Variants in CARF observed in about 807,000 individuals in gnomAD.
CARF encodes calcium-responsive transcription factor.
Under a neutral mutation model 82.0 loss-of-function variants are expected in CARF, and 57 were observed. The observed-to-expected ratio is 0.70, with a 90% CI of 0.56 to 0.87. CARF has a LOEUF of 0.87. CARF is among the 40% of genes least tolerant of loss of function. CARF has a pLI of 0.00. For missense variants in CARF, 771 were observed against 855.8 expected (o/e 0.90, Z 1.24); for synonymous variants, 268 against 290.1 (o/e 0.92, Z 0.77).
chr2:202,977,199 G>A (rs1471737692), intron 13 of CARF, 70 bp from the exon 14 acceptor site: 13 of 1,119,686 alleles, frequency 1.2e-5, no homozygotes, highest in Admixed American at 6.0e-5. Context: ...TATGACAGTC[G>A]TAATGACGTC....
intron 9 of CARF, 78 bp downstream of exon 9, chr2:202,961,504 A>G: frequency 7.7e-7 from 1 of 1,297,726 alleles, no homozygotes; most frequent in East Asian, 2.5e-5. Flanking sequence ...TCCTAAGGTG[A>G]TAACATTTTT....
rs1236999593 is a variant in CARF at position 202,987,189 on chromosome 2, A to G, written c.*3565A>G. 6.6e-6 allele frequency: 1 copy of G among 151,922 alleles called. No individual in the cohort carries two copies. Among genetic ancestry groups the G allele is most frequent in the Non-Finnish European group, 1.5e-5 (1 of 68,016 alleles). The allele number at this position is 151,922 out of a possible 1,614,324, so 9.4% of individuals were successfully genotyped here. A position where few individuals can be genotyped will look rare whatever the true frequency, so the allele number is the denominator to read the frequency against. ...CATTTAATACCCTGCAACTCAGCCA[A>G]GCATCAACATTTTAAAACAATGTGT... On this transcript the variant is annotated 3_prime_UTR_variant, in exon 17 of 17. Transcript: ENST00000438828.
At chr2:202,944,145 G>T (rs2058377934) in intron 5 of CARF, among the ~76,000 whole-genome samples, 1 of 152,158 alleles carries the variant, frequency 6.6e-6, no homozygotes, top group South Asian at 2.1e-4. Context: ...AAAAGATGAG[G>T]ATGGCTAAAT....
chr2:202,918,216 T>G (rs1285974539), intron 2 of CARF, among the ~76,000 whole-genome samples, 173 bp downstream of exon 2: 1 of 152,168 alleles, frequency 6.6e-6, no homozygotes, highest in Non-Finnish European at 1.5e-5. Context: ...ATATCTGCAT[T>G]CTTATAAACT....
In CARF at chr2:202,986,852, TA is replaced by T. The variant is rs1335095506; in HGVS notation, c.*3234del. ...TGTACCAGGTTTAAAAAAAGAGGTT[TA>T]AAAAATGTCTGTGCGTATATATATA... On this transcript the variant is annotated 3_prime_UTR_variant, in exon 17 of 17. Transcript: ENST00000438828. 1 of 55,576 alleles carries T rather than the reference TA, an allele frequency of 1.8e-5. No homozygotes were observed. The highest frequency in any genetic ancestry group is 4.9e-5 in the Non-Finnish European group (1 of 20,430). The allele number at this position is 55,576 out of a possible 1,614,324, so 3.4% of individuals were successfully genotyped here.
rs1461836315 is a variant in CARF, at chr2:202,984,609, G to T, written c.*985G>T. 1 of 152,062 alleles carries T rather than the reference G, an allele frequency of 6.6e-6. No individual in the cohort carries two copies. The highest frequency in any genetic ancestry group is 1.5e-5 in the Non-Finnish European group (1 of 68,020). The allele number at this position is 152,062 out of a possible 1,614,324, so 9.4% of individuals were successfully genotyped here. On this transcript the variant is annotated 3_prime_UTR_variant, in exon 17 of 17. Coordinates refer to ENST00000438828, the MANE Select transcript of CARF (RefSeq NM_024744.17). ...TGAATTGATGATATTAGGATTTCTA[G>T]TATTTTAAGGTAAGTATTTATAGTT...
chr2:202,978,136 G>A (rs2060107735), intron 14 of CARF, among the ~76,000 whole-genome samples: 1 of 152,210 alleles, frequency 6.6e-6, no homozygotes, highest in Non-Finnish European at 1.5e-5. Flanking sequence ...GTGAGCCACT[G>A]CACCCGGCCA....
rs750216188 is a variant in CARF at position 202,952,636 on chromosome 2, G to A, written c.384G>A (p.Val128=). 4 of 1,613,684 alleles carry A rather than the reference G, an allele frequency of 2.5e-6. No homozygotes were observed. Among genetic ancestry groups the A allele is most frequent in the Admixed American group, 3.3e-5 (2 of 59,962 alleles). ...CTACCCAGACAGGAATGGCACAAGTGATTATACCTCAGGGGCAACTTGTGG... is the reference window on the plus strand; with the variant it reads ...CTACCCAGACAGGAATGGCACAAGTAATTATACCTCAGGGGCAACTTGTGG... ...IPPTQTGMAQ[V]IIPQGQLVDV... The change falls in exon 6 of 17, where the codon GTG becomes GTA. Residue 128 remains valine, a synonymous_variant. Transcript: ENST00000438828.
intron 3 of CARF, among the ~76,000 whole-genome samples, chr2:202,935,098 T>C (rs1465998128): frequency 7.6e-6 from 1 of 131,966 alleles, no homozygotes; most frequent in African/African-American, 2.7e-5. Flanking sequence ...ACATATTATA[T>C]ATAATATATA....
At chr2:202,963,378 T>G (rs1158201805) in intron 9 of CARF, among the ~76,000 whole-genome samples, 1 of 152,160 alleles carries the variant, frequency 6.6e-6, no homozygotes, top group Non-Finnish European at 1.5e-5. Flanking sequence ...CCTTTGAATT[T>G]TTTTGGACCA....
chr2:202,926,154 G>T (rs977470245), intron 3 of CARF, among the ~76,000 whole-genome samples: 1 of 152,132 alleles, frequency 6.6e-6, no homozygotes, highest in Non-Finnish European at 1.5e-5. Flanking sequence ...CAGAGCCTGT[G>T]GGGGAGGCAA....
chr2:202,948,806 A>G (rs545026520), intron 5 of CARF, among the ~76,000 whole-genome samples: 10 of 152,190 alleles, frequency 6.6e-5, no homozygotes, highest in South Asian at 4.2e-4. Context: ...GGATAGTCCA[A>G]CTTCCTCTCT....
At chr2:202,928,630 ATTTTTT>A (rs1692297365) in intron 3 of CARF, among the ~76,000 whole-genome samples, 5 of 151,960 alleles carry the variant, frequency 3.3e-5, no homozygotes, top group Admixed American at 3.3e-4. Flanking sequence ...AGCATTTGTT[ATTTTTT>A]GTCTTTTTGA....
rs766817483 is a variant in CARF, at chr2:202,941,945, G to A, written c.43G>A (p.Gly15Ser). 6.2e-6 allele frequency: 10 copies of A among 1,613,470 alleles called. No individual in the cohort carries two copies. Among genetic ancestry groups the A allele is most frequent in the South Asian group, 3.3e-5 (3 of 91,034 alleles). Reference protein sequence around the residue: ...NDSLRVNHNDGEESKTSAQVF... With the variant: ...NDSLRVNHNDSEESKTSAQVF... ...TTCATTAAGAGTCAACCATAATGAC[G>A]GTGAAGAGTCAAAAACCAGTGCTCA... Residue 15 changes from glycine to serine, a missense_variant, in exon 4 of 17, where the codon GGT becomes AGT. By Grantham distance (56) the Gly-to-Ser change is moderately conservative (BLOSUM62 0). Coordinates refer to ENST00000438828, the MANE Select transcript of CARF (RefSeq NM_024744.17).
chr2:202,969,128 A>G (rs1318521626), intron 10 of CARF, among the ~76,000 whole-genome samples: 2 of 152,196 alleles, frequency 1.3e-5, no homozygotes, highest in Non-Finnish European at 2.9e-5. Context: ...CGTCTCTACT[A>G]AAAATACAAA....
Position 202,977,332 on chromosome 2 carries a change from G to A in CARF, c.1558G>A (p.Gly520Arg), listed in dbSNP as rs2060077232. Reference sequence around the variant, plus strand: ...GACCATGACAGTTACATTTGCAGAAGGTAGGTTTTCTTGAATACCTTTAAA... The same window carrying A: ...GACCATGACAGTTACATTTGCAGAAAGTAGGTTTTCTTGAATACCTTTAAA... ...KETMTVTFAE[G>R]NSPGESITTK... is the part of the protein sequence containing the mutation. The change falls in exon 14 of 17, where the codon GGA becomes AGA. Residue 520 changes from glycine (G) to arginine (R), a missense_variant and splice_region_variant. By Grantham distance (125) the Gly-to-Arg change is moderately radical. Transcript: ENST00000438828. 6.2e-7 allele frequency: 1 copy of A among 1,608,798 alleles called. No homozygotes were observed. The highest frequency in any genetic ancestry group is 1.1e-5 in the South Asian group (1 of 90,630).
At position 202,986,868 on chromosome 2, in the gene CARF, GTATATA is replaced by G. The variant is rs67693134; in HGVS notation, c.*3279_*3284del. The G allele has an allele frequency of 0.045, 1,342 of 29,622 alleles. 65 individuals are homozygous for G. The highest frequency in any genetic ancestry group is 0.099 in the African/African-American group (1,286 of 13,000). 1.8% of individuals were successfully genotyped at this position (29,622 alleles called of 1,614,324 possible). The stretch of plus-strand genomic sequence containing the variant: ...AAAGAGGTTTAAAAAATGTCTGTGC[GTATATA>G]TATATATATATATATATATATATAT... On this transcript the variant is annotated 3_prime_UTR_variant, in exon 17 of 17. Transcript: ENST00000438828.
chr2:202,926,499 A>T (rs1263866172), intron 3 of CARF, among the ~76,000 whole-genome samples: 2 of 152,198 alleles, frequency 1.3e-5, no homozygotes, highest in African/African-American at 2.4e-5. Context: ...CTTGATTGTT[A>T]TATCTTTGTA....
At chr2:202,968,392 ACT>A (rs2059639703) in intron 10 of CARF, among the ~76,000 whole-genome samples, 2 of 152,170 alleles carry the variant, frequency 1.3e-5, no homozygotes, top group Admixed American at 6.6e-5. Flanking sequence ...ACAGAGCAAG[ACT>A]CTGTCTCAAA....
Sources: allele counts gnomAD v4.1 joint callset (sites outside exome capture counted in the v4.1 genomes callset), GRCh38; gene constraint gnomAD v4.1.1; transcripts MANE v1.5; gene names NCBI Gene and HGNC (gene_info 2026-07-23, HGNC 2026-07-21).